FAM13B: variants seen among roughly 807,000 people sequenced by gnomAD.
FAM13B encodes protein FAM13B.
In FAM13B, 60 loss-of-function variants were observed where a neutral mutation model predicts 117.3. The ratio of observed to expected loss-of-function variants is 0.51; its 90% CI spans 0.42 to 0.63. The LOEUF (loss-of-function observed/expected upper bound fraction) is 0.63. FAM13B is among the 30% of genes least tolerant of loss of function. The probability of loss-of-function intolerance (pLI) is 0.00; values close to 1 mark genes in which losing one functional copy is unlikely to be tolerated. For missense variants in FAM13B, 972 were observed against 1,091.9 expected (o/e 0.89, Z 1.55); for synonymous variants, 332 against 356.1 (o/e 0.93, Z 0.76).
chr5:138,020,950 T>G, intron 2 of FAM13B, 81 bp downstream of exon 2: 1 of 947,696 alleles, frequency 1.1e-6, no homozygotes, highest in Non-Finnish European at 1.4e-6. Context: ...TCAAGTTAAA[T>G]CAAATAGCAG....
At chr5:138,036,164 G>A (rs528040473), upstream of FAM13B, 112 of 352,516 alleles carry the variant, frequency 3.2e-4, no homozygotes, top group African/African-American at 2.2e-3. Flanking sequence ...CTGTAGTTCT[G>A]TATGTTATTT....
At chr5:138,011,258 T>C in intron 5 of FAM13B, 109 bp from the exon 6 acceptor site, 1 of 1,004,792 alleles carries the variant, frequency 1.0e-6, no homozygotes. Context: ...ATGTTACCAT[T>C]CTGTGCTTCC....
chr5:138,037,785 A>G (rs564896225), upstream of FAM13B, among the ~76,000 whole-genome samples: 50 of 152,196 alleles, frequency 3.3e-4, no homozygotes, highest in Non-Finnish European at 5.9e-4. Context: ...CGATGTTAAT[A>G]AGAAACGAGC....
At chr5:138,026,938 C>CAAATAAAT (rs36001323) in intron 1 of FAM13B, among the ~76,000 whole-genome samples, 5,348 of 137,390 alleles carry the variant, frequency 0.039, 137 homozygotes, top group Non-Finnish European at 0.052. Context: ...GACTCCATCT[C>CAAATAAAT]AAATAAATAA....
chr5:137,947,960 G>C (rs1763899540), intron 18 of FAM13B, among the ~76,000 whole-genome samples: 1 of 152,074 alleles, frequency 6.6e-6, no homozygotes. Context: ...CTCTGTTCAA[G>C]GGAAAGAAAG....
In FAM13B at chr5:138,014,298, G is replaced by T. The variant is rs573954934; in HGVS notation, c.371-2353C>A. 5.3e-5 allele frequency among the ~76,000 whole-genome samples: 8 copies of T among 152,288 alleles called. No homozygotes were observed. In the East Asian group the frequency reaches 1.5e-3, roughly 29 times the overall value. On this transcript the variant is annotated intron_variant, in intron 4 of 23. Transcript: ENST00000689681. ...CTGAGTTCTCAGTATCTGGAGCAAGGGTCCCCAGCCGGGGCTGCAGACCAG... is the reference window on the plus strand; with the variant it reads ...CTGAGTTCTCAGTATCTGGAGCAAGTGTCCCCAGCCGGGGCTGCAGACCAG...
chr5:137,978,406 T>C (rs1450828788), intron 10 of FAM13B, among the ~76,000 whole-genome samples: 1 of 152,202 alleles, frequency 6.6e-6, no homozygotes, highest in Non-Finnish European at 1.5e-5. Flanking sequence ...ATACTTCCGA[T>C]GTCTGTATAA....
At chr5:137,969,222 T>C (rs1771190134) in intron 10 of FAM13B, among the ~76,000 whole-genome samples, 3 of 152,328 alleles carry the variant, frequency 2.0e-5, no homozygotes, top group Admixed American at 6.5e-5. Flanking sequence ...TCTGACAGCA[T>C]TGAAGAGAGC....
At chr5:138,039,160 A>T (rs904240845) in intron 1 of FAM13B, 1 of 152,238 alleles carries the variant, frequency 6.6e-6, no homozygotes, top group African/African-American at 2.4e-5. Context: ...AAATTCCTAT[A>T]ATCAGCTAGA....
rs943584770 is a variant in FAM13B, at chr5:137,993,774, A to T, written c.849-5459T>A. ...TGCACTCCAGCCTGGGTGACAGAGC[A>T]AGACTCCGCCTCAAAATAAATAAAT... On this transcript the variant is annotated intron_variant, in intron 7 of 23. Coordinates refer to ENST00000689681, the MANE Select transcript of FAM13B (RefSeq NM_001385994.1). Among the ~76,000 whole-genome samples the T allele has an allele frequency of 2.0e-5, 3 of 152,062 alleles. No individual in the cohort carries two copies. In the East Asian group the frequency reaches 5.8e-4, roughly 29 times the overall value.
rs1208624671 is a variant in FAM13B at position 137,939,243 on chromosome 5, C to A, written c.*982G>T. On this transcript the variant is annotated 3_prime_UTR_variant, in exon 24 of 24. Transcript: ENST00000689681. ...TAGGAGGGGAAAAAAAAAAAGATAACCCCCTGAAGGTACATGTGAAAATGC... is the reference window on the plus strand; with the variant it reads ...TAGGAGGGGAAAAAAAAAAAGATAAACCCCTGAAGGTACATGTGAAAATGC... The A allele has an allele frequency of 6.6e-6, 1 of 152,334 alleles. No homozygotes were observed. Among genetic ancestry groups the A allele is most frequent in the Admixed American group, 6.6e-5 (1 of 15,238 alleles). The allele number at this position is 152,334 out of a possible 1,614,324, so 9.4% of individuals were successfully genotyped here.
chr5:137,940,103 A>T lies in FAM13B; in HGVS notation c.*122T>A. Reference sequence around the variant, plus strand: ...TGTTTTGTTTAGTGGCACCACAACCAAGTACAAAATGAGATTCTCTGAGTG... The same window carrying T: ...TGTTTTGTTTAGTGGCACCACAACCTAGTACAAAATGAGATTCTCTGAGTG... On this transcript the variant is annotated 3_prime_UTR_variant, in exon 24 of 24. Transcript: ENST00000689681. 1 of 1,614,178 alleles carries T rather than the reference A, an allele frequency of 6.2e-7. No homozygotes were observed. The highest frequency in any genetic ancestry group is 8.5e-7 in the Non-Finnish European group (1 of 1,180,012).
intron 6 of FAM13B, among the ~76,000 whole-genome samples, chr5:138,009,823 G>A (rs1370270760): frequency 6.8e-6 from 1 of 147,790 alleles, no homozygotes; most frequent in Admixed American, 6.8e-5. Context: ...AAAAAAAAAG[G>A]GTTGGGGCAG....
At chr5:137,954,046 T>C in intron 15 of FAM13B, 120 bp downstream of exon 15, 6 of 527,904 alleles carry the variant, frequency 1.1e-5, no homozygotes, top group Non-Finnish European at 1.6e-5. Flanking sequence ...TCTCTCTTTT[T>C]TTTTTTTTTT....
At position 138,048,671 on chromosome 5, in the gene FAM13B, A is replaced by G. The variant is rs369286208; in HGVS notation, c.-203+3207T>C. Among the ~76,000 whole-genome samples, 35 of 152,326 alleles carry G rather than the reference A, an allele frequency of 2.3e-4. 1 individual carries two copies. In the East Asian group the frequency reaches 4.0e-3, roughly 18 times the overall value. ...TGTACCAGCATGCTGGCCGACCCCTAGGACCTTCAGAGCTTTTGTAACATT... is the reference window on the plus strand; with the variant it reads ...TGTACCAGCATGCTGGCCGACCCCTGGGACCTTCAGAGCTTTTGTAACATT... On this transcript the variant is annotated intron_variant, in intron 1 of 3. Coordinates refer to the FAM13B transcript ENST00000502471.
At chr5:137,964,682 C>T (rs2150327324) in intron 10 of FAM13B, among the ~76,000 whole-genome samples, 1 of 152,226 alleles carries the variant, frequency 6.6e-6, no homozygotes, top group South Asian at 2.1e-4. Context: ...GATTGCACCA[C>T]TGCACTCCAG....
intron 5 of FAM13B, among the ~76,000 whole-genome samples, 199 bp downstream of exon 5, chr5:138,011,569 G>A (rs542346046): frequency 2.0e-5 from 3 of 152,012 alleles, no homozygotes; most frequent in South Asian, 2.1e-4. Context: ...ACAGGCACCC[G>A]CCACCATGCC....
At chr5:137,942,416 A>G in intron 22 of FAM13B, 1 of 230,862 alleles carries the variant, frequency 4.3e-6, no homozygotes. Flanking sequence ...CCAGGCTGGA[A>G]CAGCGGTGCG....
chr5:137,958,802 A>G (rs1486970143), intron 13 of FAM13B, among the ~76,000 whole-genome samples: 2 of 152,218 alleles, frequency 1.3e-5, no homozygotes, highest in Non-Finnish European at 2.9e-5. Context: ...CCATATACCA[A>G]TCACAATCTA....
Sources: allele counts gnomAD v4.1 joint callset (sites outside exome capture counted in the v4.1 genomes callset), GRCh38; gene constraint gnomAD v4.1.1; transcripts MANE v1.5; gene names NCBI Gene and HGNC (gene_info 2026-07-23, HGNC 2026-07-21).